The following ACTR3B variants were observed in gnomAD, a reference collection of about 807,000 sequenced individuals.
ACTR3B encodes actin-related protein 3B.
A neutral mutation model predicts 59.0 loss-of-function variants in ACTR3B; 8 were observed. That is an observed-to-expected ratio of 0.14 (90% CI 0.08 to 0.24). The LOEUF (loss-of-function observed/expected upper bound fraction) is 0.24, where lower values mean the gene tolerates loss of function less well. Ranked by LOEUF, ACTR3B falls within the 10% of genes least tolerant of loss-of-function variation. The probability of loss-of-function intolerance (pLI) is 1.00; values close to 1 mark genes in which losing one functional copy is unlikely to be tolerated. For missense variants in ACTR3B, 245 were observed against 552.3 expected, an observed-to-expected ratio of 0.44 and a Z score of 5.58; for synonymous variants, 148 against 197.9, an observed-to-expected ratio of 0.75 and a Z score of 2.12.
In ACTR3B at chr7:152,854,660, C is replaced by T; in HGVS notation, c.*107C>T. Reference sequence around the variant, plus strand: ...AAATAGCGACGTCGGTGTTGCTGCCCAGCAGCGTGCTTGCATTGCCGGTGC... The same window carrying T: ...AAATAGCGACGTCGGTGTTGCTGCCTAGCAGCGTGCTTGCATTGCCGGTGC... On this transcript the variant is annotated 3_prime_UTR_variant, in exon 12 of 12. Transcript: ENST00000256001. The surrounding 1 kb of genome is among the most constrained non-coding windows in gnomAD (Gnocchi z 4.9). The T allele has an allele frequency of 1.3e-5, 15 of 1,180,684 alleles. No homozygotes were observed. Among genetic ancestry groups the T allele is most frequent in the Non-Finnish European group, 1.8e-5 (15 of 814,088 alleles). 73.1% of individuals were successfully genotyped at this position (1,180,684 alleles called of 1,614,324 possible).
chr7:152,814,698 G>A, intron 5 of ACTR3B, 53 bp downstream of exon 5: 1 of 1,451,834 alleles, frequency 6.9e-7, no homozygotes, highest in South Asian at 1.2e-5. Flanking sequence ...TCTAGTAGCG[G>A]AAGAAATGGT....
At chr7:152,807,286 T>G (rs2098255301) in intron 4 of ACTR3B, among the ~76,000 whole-genome samples, 1 of 152,136 alleles carries the variant, frequency 6.6e-6, no homozygotes, top group African/African-American at 2.4e-5. Flanking sequence ...ACTGTTGACA[T>G]TTAGTATATT....
chr7:152,810,528 G>A (rs1408065982), intron 4 of ACTR3B, among the ~76,000 whole-genome samples: 2 of 151,670 alleles, frequency 1.3e-5, no homozygotes, highest in Non-Finnish European at 2.9e-5. Context: ...CGACCTCCTG[G>A]GCTGGAGTGA....
intron 1 of ACTR3B, among the ~76,000 whole-genome samples, chr7:152,782,155 C>T (rs1356765732): frequency 3.3e-5 from 5 of 151,058 alleles, no homozygotes; most frequent in Admixed American, 6.6e-5. Flanking sequence ...GAAATATTAC[C>T]GGATCAAAAA....
In ACTR3B at chr7:152,759,913, GA is replaced by G; in HGVS notation, c.32del (p.Asp11AlafsTer33). On this transcript the variant is annotated frameshift_variant, in exon 1 of 12. Coordinates refer to ENST00000256001, the MANE Select transcript of ACTR3B (RefSeq NM_020445.6). LOFTEE classifies it high-confidence loss of function. MAGSLPPCVVDCGTGYTKLGY... is the reference protein window; with the variant it reads MAGSLPPCVVXCGTGYTKLGY... ...AGGCTCCCTGCCTCCCTGCGTGGTG[GA>G]CTGTGGCACCGGGTAAGAGCAGCTC... 1 of 1,396,298 alleles carries G rather than the reference GA, an allele frequency of 7.2e-7. No individual in the cohort carries two copies. Among genetic ancestry groups the G allele is most frequent in the Non-Finnish European group, 9.4e-7 (1 of 1,066,856 alleles). 86.5% of individuals were successfully genotyped at this position (1,396,298 alleles called of 1,614,324 possible). A position where few individuals can be genotyped will look rare whatever the true frequency, so the allele number is the denominator to read the frequency against.
chr7:152,778,767 C>T (rs1373100218), intron 1 of ACTR3B, among the ~76,000 whole-genome samples: 1 of 150,704 alleles, frequency 6.6e-6, no homozygotes, highest in East Asian at 2.0e-4. Context: ...TAGGAAGACC[C>T]CTCTGTACAA....
At chr7:152,817,724 T>G (rs1472649256) in intron 6 of ACTR3B, among the ~76,000 whole-genome samples, 1 of 152,218 alleles carries the variant, frequency 6.6e-6, no homozygotes, top group South Asian at 2.1e-4. Context: ...GGTGTGTATG[T>G]GTATATATTT....
intron 1 of ACTR3B, among the ~76,000 whole-genome samples, chr7:152,776,977 C>T (rs2098137603): frequency 6.6e-6 from 1 of 152,016 alleles, no homozygotes. Context: ...TGCGTGTTTC[C>T]AGGTTCTGGT....
chr7:152,783,833 T>A (rs1164883897), intron 2 of ACTR3B, among the ~76,000 whole-genome samples: 1 of 151,956 alleles, frequency 6.6e-6, no homozygotes, highest in Non-Finnish European at 1.5e-5. Context: ...CTCACGCATG[T>A]AATCGCAGCA....
In ACTR3B at chr7:152,759,829, G is replaced by A. The variant is rs950487139; in HGVS notation, c.-54G>A. On this transcript the variant is annotated 5_prime_UTR_variant, in exon 1 of 12. Coordinates refer to ENST00000256001, the MANE Select transcript of ACTR3B (RefSeq NM_020445.6). ...GGGGCTAGCGGGCGGCGGAGCGGAC[G>A]GCGACGGGGCGCTCTCGGGCTGCCG... 3 of 1,194,482 alleles carry A rather than the reference G, an allele frequency of 2.5e-6. No individual in the cohort carries two copies. Among genetic ancestry groups the A allele is most frequent in the Non-Finnish European group, 3.1e-6 (3 of 961,030 alleles). The allele number at this position is 1,194,482 out of a possible 1,614,324, so 74.0% of individuals were successfully genotyped here. A position where few individuals can be genotyped will look rare whatever the true frequency, so the allele number is the denominator to read the frequency against.
Position 152,759,832 on chromosome 7 carries a change from G to C in ACTR3B, c.-51G>C. ...GCTAGCGGGCGGCGGAGCGGACGGC[G>C]ACGGGGCGCTCTCGGGCTGCCGGCG... is the stretch of plus-strand genomic sequence containing the variant. On this transcript the variant is annotated 5_prime_UTR_variant, in exon 1 of 12. Transcript: ENST00000256001. 1 of 1,205,746 alleles carries C rather than the reference G, an allele frequency of 8.3e-7. No homozygotes were observed. Among genetic ancestry groups the C allele is most frequent in the Non-Finnish European group, 1.0e-6 (1 of 968,066 alleles). 74.7% of individuals were successfully genotyped at this position (1,205,746 alleles called of 1,614,324 possible).
chr7:152,763,651 T>C (rs1373241320), intron 1 of ACTR3B, among the ~76,000 whole-genome samples: 1 of 152,182 alleles, frequency 6.6e-6, no homozygotes, highest in African/African-American at 2.4e-5. Flanking sequence ...TCTTGAATCC[T>C]GATCTCAAGC....
chr7:152,775,420 C>G (rs1208651424), intron 1 of ACTR3B, among the ~76,000 whole-genome samples: 5 of 151,958 alleles, frequency 3.3e-5, no homozygotes, highest in African/African-American at 9.7e-5. Flanking sequence ...AAGATAGGAG[C>G]ATTTAACAAG....
chr7:152,789,475 G>A lies in ACTR3B; in HGVS notation c.100+6233G>A, dbSNP rs1000075994. On this transcript the variant is annotated intron_variant, in intron 2 of 11. Transcript: ENST00000256001. ...GTACCTTTAAGTTTTCGTTGCTGTC[G>A]TCAAAATATTTTAAAAATTCTATTT... Among the ~76,000 whole-genome samples the A allele has an allele frequency of 3.3e-4, 49 of 150,698 alleles. 2 individuals carry two copies. The highest frequency in any genetic ancestry group is 2.1e-4 in the Non-Finnish European group (14 of 67,870).
At chr7:152,770,994 C>T (rs546772332) in intron 1 of ACTR3B, among the ~76,000 whole-genome samples, 51 of 150,656 alleles carry the variant, frequency 3.4e-4, no homozygotes, top group Admixed American at 4.6e-4. Flanking sequence ...GACAGAGTCT[C>T]GCTCTGACAC....
chr7:152,816,639 G>A (rs569709210), intron 6 of ACTR3B, 51 bp downstream of exon 6: 4 of 1,485,610 alleles, frequency 2.7e-6, no homozygotes, highest in South Asian at 2.7e-5. Flanking sequence ...CACCTGATTC[G>A]AGGTAAGGAT....
intron 1 of ACTR3B, among the ~76,000 whole-genome samples, chr7:152,769,655 T>C (rs2116520609): frequency 6.6e-6 from 1 of 152,304 alleles, no homozygotes; most frequent in East Asian, 1.9e-4. Context: ...CATATATATG[T>C]ATTTAAACAT....
intron 10 of ACTR3B, among the ~76,000 whole-genome samples, chr7:152,852,882 C>T (rs1215380482): frequency 3.3e-5 from 5 of 149,840 alleles, no homozygotes; most frequent in Admixed American, 2.0e-4. Context: ...AGCTCTGCCT[C>T]CTGGGTTCAC....
Position 152,801,023 on chromosome 7 carries a change from T to C in ACTR3B, c.225+368T>C, listed in dbSNP as rs577127298. 3.7e-3 allele frequency among the ~76,000 whole-genome samples: 569 copies of C among 152,344 alleles called. 1 individual carries two copies. Among genetic ancestry groups the C allele is most frequent in the South Asian group, 0.037 (179 of 4,820 alleles). ...TAAGCAGACTTTTTTTTTTTAAAGC[T>C]CCAGATCCAATTGTATGATAATTAG... On this transcript the variant is annotated intron_variant, in intron 3 of 11. Coordinates refer to ENST00000256001, the MANE Select transcript of ACTR3B (RefSeq NM_020445.6).
Sources: gnomAD v4.1 joint callset for allele counts (sites outside exome capture counted in the v4.1 genomes callset) on GRCh38, gnomAD v4.1.1 for gene constraint, Gnocchi (gnomAD v3.1) non-coding constraint, MANE v1.5 for transcripts, NCBI Gene and HGNC (gene_info 2026-07-23, HGNC 2026-07-21) for gene names.